Variants in SLC23A2 observed in about 807,000 individuals in gnomAD.
SLC23A2 encodes solute carrier family 23 member 2, also known as Na(+)/L-ascorbic acid transporter 2.
SLC23A2 carries 36 observed loss-of-function variants against 73.3 expected under a neutral mutation model. That is an observed-to-expected ratio of 0.49 (90% CI 0.38 to 0.65). SLC23A2 has a LOEUF of 0.65. Ranked by LOEUF, SLC23A2 falls within the 30% of genes least tolerant of loss-of-function variation. The pLI, the probability that SLC23A2 is intolerant of heterozygous loss-of-function variation, is 0.00. For synonymous variants in SLC23A2, 343 were observed against 327.3 expected (o/e 1.05, Z -0.52); for missense variants, 507 against 841.6 (o/e 0.60, Z 4.92).
upstream of SLC23A2, among the ~76,000 whole-genome samples, chr20:5,005,528 C>T (rs1242613907): frequency 6.6e-6 from 1 of 152,056 alleles, no homozygotes; most frequent in East Asian, 1.9e-4. Flanking sequence ...GTAATTGTAG[C>T]TTGGGGCTAT....
chr20:4,989,764 C>G (rs1482133443), intron 1 of SLC23A2, among the ~76,000 whole-genome samples: 1 of 152,070 alleles, frequency 6.6e-6, no homozygotes, highest in East Asian at 1.9e-4. Context: ...GGCATCCTGT[C>G]AGTGCTCAAA....
At chr20:4,870,153 G>T in intron 11 of SLC23A2, 100 bp from the exon 12 acceptor site, 2 of 953,034 alleles carry the variant, frequency 2.1e-6, no homozygotes, top group Non-Finnish European at 1.6e-6. Flanking sequence ...GACTCTACAA[G>T]ATCCACTTGG....
Position 4,918,831 on chromosome 20 carries a change from A to T in SLC23A2, c.109-5853T>A, listed in dbSNP as rs112160126. Reference sequence around the variant, plus strand: ...AAGAGAACCACTTTATACTAAACCAATCGCTTTCAGAATAGTAATAAAGTT... The same window carrying T: ...AAGAGAACCACTTTATACTAAACCATTCGCTTTCAGAATAGTAATAAAGTT... On this transcript the variant is annotated intron_variant, in intron 3 of 16. Coordinates refer to ENST00000338244, the MANE Select transcript of SLC23A2 (RefSeq NM_005116.6). Among the ~76,000 whole-genome samples, 550 of 152,234 alleles carry T rather than the reference A, an allele frequency of 3.6e-3. 5 individuals are homozygous for T. Among genetic ancestry groups the T allele is most frequent in the Non-Finnish European group, 5.2e-3 (352 of 68,018 alleles).
At chr20:4,972,967 T>C (rs976955341) in intron 1 of SLC23A2, among the ~76,000 whole-genome samples, 8 of 152,050 alleles carry the variant, frequency 5.3e-5, no homozygotes, top group African/African-American at 1.9e-4. Context: ...AGAGGAATAA[T>C]GAAAAGAACA....
intron 2 of SLC23A2, among the ~76,000 whole-genome samples, chr20:4,956,939 C>G (rs769359673): frequency 1.3e-5 from 2 of 151,738 alleles, no homozygotes; most frequent in Non-Finnish European, 2.9e-5. Flanking sequence ...TCCCAAGTAG[C>G]TGGGATTACA....
At chr20:4,876,132 A>G (rs888780716) in intron 9 of SLC23A2, among the ~76,000 whole-genome samples, 1 of 152,222 alleles carries the variant, frequency 6.6e-6, no homozygotes, top group Non-Finnish European at 1.5e-5. Flanking sequence ...ACAAAAAACA[A>G]TATGGTAACA....
intron 3 of SLC23A2, among the ~76,000 whole-genome samples, chr20:4,919,508 C>G (rs905927326): frequency 1.3e-5 from 2 of 152,228 alleles, no homozygotes; most frequent in African/African-American, 4.8e-5. Flanking sequence ...CACAGCAGAG[C>G]TCGGGCGGGT....
At chr20:4,908,771 T>C (rs1015366548) in intron 4 of SLC23A2, among the ~76,000 whole-genome samples, 3 of 151,974 alleles carry the variant, frequency 2.0e-5, no homozygotes, top group African/African-American at 4.8e-5. Flanking sequence ...CTACTAAAAA[T>C]AGAAAAATTA....
intron 15 of SLC23A2, 42 bp from the exon 16 acceptor site, chr20:4,859,426 G>C (rs918498641): frequency 7.5e-7 from 1 of 1,328,380 alleles, no homozygotes; most frequent in Non-Finnish European, 1.1e-6. Flanking sequence ...TGCCACAGCA[G>C]CGGTGAGCCT....
chr20:4,925,970 T>C (rs1776973), intron 3 of SLC23A2, among the ~76,000 whole-genome samples: 12,228 of 152,260 alleles, frequency 0.08, 556 homozygotes, highest in Middle Eastern at 0.13. Flanking sequence ...ATGCTGGCTG[T>C]CTTGCCATAT....
chr20:4,994,095 G>C (rs1205204850), intron 1 of SLC23A2, among the ~76,000 whole-genome samples: 2 of 151,904 alleles, frequency 1.3e-5, no homozygotes, highest in African/African-American at 4.8e-5. Context: ...AAAAAATATA[G>C]ATACATGAAT....
intron 6 of SLC23A2, among the ~76,000 whole-genome samples, chr20:4,897,057 G>A (rs973641728): frequency 2.6e-5 from 4 of 152,116 alleles, no homozygotes; most frequent in Admixed American, 6.5e-5. Context: ...CCCTGATGGC[G>A]CTGCCCTTCG....
At chr20:4,880,829 G>A (rs921940046) in intron 9 of SLC23A2, among the ~76,000 whole-genome samples, 3 of 152,052 alleles carry the variant, frequency 2.0e-5, no homozygotes, top group Admixed American at 1.3e-4. Context: ...CCAGACATTG[G>A]AACAGTAAGA....
chr20:4,896,564 C>T lies in SLC23A2; in HGVS notation c.482+2991G>A, dbSNP rs11698507. On this transcript the variant is annotated intron_variant, in intron 6 of 16. Coordinates refer to ENST00000338244, the MANE Select transcript of SLC23A2 (RefSeq NM_005116.6). ...AGGACACATGAAGCACATTCCATTC[C>T]GTGCTGCTTCTCTTTCCAGCTAAGG... Among the ~76,000 whole-genome samples the T allele has an allele frequency of 5.1e-3, 778 of 152,298 alleles. 1 individual carries two copies. The highest frequency in any genetic ancestry group is 0.01 in the South Asian group (49 of 4,834).
At chr20:4,991,788 T>C (rs1472974307) in intron 1 of SLC23A2, among the ~76,000 whole-genome samples, 4 of 148,668 alleles carry the variant, frequency 2.7e-5, no homozygotes, top group African/African-American at 9.9e-5. Flanking sequence ...GACCACATAT[T>C]AGGAAAAATC....
intron 15 of SLC23A2, 124 bp from the exon 16 acceptor site, chr20:4,859,508 T>C (rs1367242542): frequency 1.4e-6 from 1 of 715,238 alleles, no homozygotes; most frequent in Admixed American, 2.2e-5. Context: ...AAAGTGTACA[T>C]TTCTTAGTTG....
rs1281328490 is a variant in SLC23A2, at chr20:4,924,314, C to T, written c.108+8141G>A. Among the ~76,000 whole-genome samples the T allele has an allele frequency of 2.6e-5, 4 of 152,218 alleles. No individual in the cohort carries two copies. The South Asian group carries it at 6.2e-4, about 24-fold the overall frequency. The stretch of plus-strand genomic sequence containing the variant: ...CGTCCTCCCTCTGGAGTCAGAGTTT[C>T]TCCTGACATACTTTTCAACGCCTGG... On this transcript the variant is annotated intron_variant, in intron 3 of 16. Coordinates refer to ENST00000338244, the MANE Select transcript of SLC23A2 (RefSeq NM_005116.6).
At chr20:4,961,696 T>C (rs2087393400) in intron 2 of SLC23A2, among the ~76,000 whole-genome samples, 1 of 152,182 alleles carries the variant, frequency 6.6e-6, no homozygotes, top group Non-Finnish European at 1.5e-5. Flanking sequence ...CAGCCCTGAC[T>C]GTGCCATTAA....
At position 4,908,638 on chromosome 20, in the gene SLC23A2, T is replaced by C. The variant is rs147031743; in HGVS notation, c.207+4242A>G. On this transcript the variant is annotated intron_variant, in intron 4 of 16. Transcript: ENST00000338244. Reference sequence around the variant, plus strand: ...TTTAATTCATCAGTGTTAAGAATTGTACTGTAGGGACCGGGTGTGGTGGCT... The same window carrying C: ...TTTAATTCATCAGTGTTAAGAATTGCACTGTAGGGACCGGGTGTGGTGGCT... Among the ~76,000 whole-genome samples, 211 of 152,320 alleles carry C rather than the reference T, an allele frequency of 1.4e-3. 2 individuals are homozygous for C. Among genetic ancestry groups the C allele is most frequent in the Admixed American group, 4.0e-3 (61 of 15,298 alleles).
Sources: allele counts gnomAD v4.1 joint callset (sites outside exome capture counted in the v4.1 genomes callset), GRCh38; gene constraint gnomAD v4.1.1; transcripts MANE v1.5; gene names NCBI Gene and HGNC (gene_info 2026-07-23, HGNC 2026-07-21).